Variants in A3GALT2 observed in about 807,000 individuals in gnomAD.
A3GALT2 encodes alpha-1,3-galactosyltransferase 2.
In A3GALT2, 14 loss-of-function variants were observed where a neutral mutation model predicts 16.6. The ratio of observed to expected loss-of-function variants is 0.84; its 90% CI spans 0.56 to 1.32. The LOEUF is 1.32. Ranked by LOEUF, A3GALT2 falls within the 40% of genes most tolerant of loss-of-function variation. The pLI is 0.00. For missense variants in A3GALT2, 600 were observed against 490.9 expected (o/e 1.22, Z -2.10); for synonymous variants, 253 against 218.0 (o/e 1.16, Z -1.42).
At chr1:33,315,472 G>A (rs1209163358) in intron 1 of A3GALT2, among the ~76,000 whole-genome samples, 1 of 152,100 alleles carries the variant, frequency 6.6e-6, no homozygotes, top group Non-Finnish European at 1.5e-5. Context: ...TTGAGCCCAG[G>A]AGTTACAGGT....
At chr1:33,318,542 A>G (rs1054623411) in intron 1 of A3GALT2, among the ~76,000 whole-genome samples, 5 of 151,968 alleles carry the variant, frequency 3.3e-5, no homozygotes, top group Admixed American at 2.0e-4. Flanking sequence ...TCACTGTCCT[A>G]TCTGTGCCTC....
chr1:33,310,248 C>T lies in A3GALT2; in HGVS notation c.335+1804G>A, dbSNP rs1356153826. On this transcript the variant is annotated intron_variant, in intron 4 of 4. Transcript: ENST00000442999. ...GGGAGGTTGCAGTGAGCCGAGATGG[C>T]GGCAGTACAGTCCAGCCTCGGCTCG... 2.6e-5 allele frequency among the ~76,000 whole-genome samples: 4 copies of T among 152,042 alleles called. No individual in the cohort carries two copies. The East Asian group carries it at 5.8e-4, about 22-fold the overall frequency.
In A3GALT2 at chr1:33,307,203, A is replaced by G. The variant is rs868026605; in HGVS notation, c.586T>C (p.Phe196Leu). The change falls in exon 5 of 5, where the codon TTC (phenylalanine) becomes CTC (leucine). Residue 196 changes from phenylalanine (F) to leucine (L), a missense_variant. Phe to Leu is a conservative substitution (Grantham distance 22). Transcript: ENST00000442999. ...GLPGREAHFM[F>L]CMDVDQHFSG... The stretch of plus-strand genomic sequence containing the variant: ...AAGTGCTGGTCCACGTCCATGCAGA[A>G]CATGAAGTGCGCCTCGCGGCCCGGC... 95 of 1,519,890 alleles carry G rather than the reference A, an allele frequency of 6.3e-5. No homozygotes were observed. The African/African-American group carries it at 1.3e-3, about 20-fold the overall frequency. The allele number at this position is 1,519,890 out of a possible 1,614,324, so 94.2% of individuals were successfully genotyped here. A position where few individuals can be genotyped will look rare whatever the true frequency, so the allele number is the denominator to read the frequency against.
intron 1 of A3GALT2, among the ~76,000 whole-genome samples, chr1:33,318,029 C>T (rs1413925613): frequency 6.6e-6 from 1 of 152,124 alleles, no homozygotes; most frequent in Non-Finnish European, 1.5e-5. Flanking sequence ...GGAAAACAGA[C>T]CCTAATGTGT....
chr1:33,316,696 G>T (rs1344885170), intron 1 of A3GALT2, among the ~76,000 whole-genome samples: 2 of 152,154 alleles, frequency 1.3e-5, no homozygotes, highest in South Asian at 2.1e-4. Flanking sequence ...TTTGAGGGAC[G>T]GGGCTGAGGT....
At chr1:33,319,683 G>A (rs1300040600) in intron 1 of A3GALT2, among the ~76,000 whole-genome samples, 1 of 152,106 alleles carries the variant, frequency 6.6e-6, no homozygotes, top group African/African-American at 2.4e-5. Context: ...GTTCTTGCCT[G>A]GGGGCTCCCC....
intron 1 of A3GALT2, among the ~76,000 whole-genome samples, chr1:33,316,031 C>G (rs1267303466): frequency 6.6e-6 from 1 of 152,164 alleles, no homozygotes; most frequent in Non-Finnish European, 1.5e-5. Flanking sequence ...GTATCAGATG[C>G]TATGAGGCAA....
rs1012793505 is a variant in A3GALT2 at position 33,320,304 on chromosome 1, T to G, written c.23+772A>C. Among the ~76,000 whole-genome samples the G allele has an allele frequency of 3.3e-5, 5 of 152,088 alleles. No homozygotes were observed. Among genetic ancestry groups the G allele is most frequent in the African/African-American group, 1.2e-4 (5 of 41,534 alleles). On this transcript the variant is annotated intron_variant, in intron 1 of 4. Coordinates refer to ENST00000442999, the MANE Select transcript of A3GALT2 (RefSeq NM_001080438.1). This position sits in a 1 kb window ranked among gnomAD's most constrained non-coding sequence, Gnocchi z 4.3. The stretch of plus-strand genomic sequence containing the variant: ...AGGAGCAGGAAAAGGCTGGAGGGGC[T>G]TTCTCCCCCTCTGTGGCTGTCCCAC...
At chr1:33,318,757 C>T (rs891528983) in intron 1 of A3GALT2, among the ~76,000 whole-genome samples, 1 of 152,168 alleles carries the variant, frequency 6.6e-6, no homozygotes, top group South Asian at 2.1e-4. Context: ...ACATCTCCTC[C>T]GTTAGGTCCC....
Position 33,312,604 on chromosome 1 carries a change from A to AG in A3GALT2, c.108-15dup. ...GCTTCCAGATGCCTGTGGTGGGTTG[A>AG]GGGGCGGGGGGCAGGCAGCCGTGAG... On this transcript the variant is annotated splice_polypyrimidine_tract_variant and intron_variant, in intron 2 of 4. Coordinates refer to ENST00000442999, the MANE Select transcript of A3GALT2 (RefSeq NM_001080438.1). 1 of 1,563,806 alleles carries AG rather than the reference A, an allele frequency of 6.4e-7. No individual in the cohort carries two copies.
intron 3 of A3GALT2, 42 bp downstream of exon 3, chr1:33,312,458 GT>G (rs1646238595): frequency 1.3e-6 from 2 of 1,521,264 alleles, no homozygotes; most frequent in Admixed American, 2.0e-5. Context: ...GCTGTGTAGG[GT>G]TTGGGGGTGC....
At position 33,312,150 on chromosome 1, in the gene A3GALT2, A is replaced by G; in HGVS notation, c.237T>C (p.Ala79=). ...CGAAAGAGCCATCCCAAATAATGGG[A>G]GCCCCCCAGGGGGTACAGGTCAGAA... ...PEVLTCTPWG[A]PIIWDGSFDP... is the part of the protein sequence containing the mutation. The change falls in exon 4 of 5, where the codon GCT becomes GCC. Residue 79 remains alanine (A), a synonymous_variant. Coordinates refer to ENST00000442999, the MANE Select transcript of A3GALT2 (RefSeq NM_001080438.1). The G allele has an allele frequency of 1.2e-6, 2 of 1,613,502 alleles. No homozygotes were observed. The highest frequency in any genetic ancestry group is 2.2e-5 in the East Asian group (1 of 44,868).
chr1:33,306,976 G>C lies in A3GALT2; in HGVS notation c.813C>G (p.His271Gln). The C allele has an allele frequency of 6.8e-7, 1 of 1,481,418 alleles. No homozygotes were observed. The highest frequency in any genetic ancestry group is 8.9e-7 in the Non-Finnish European group (1 of 1,123,016). The allele number at this position is 1,481,418 out of a possible 1,614,324, so 91.8% of individuals were successfully genotyped here. A position where few individuals can be genotyped will look rare whatever the true frequency, so the allele number is the denominator to read the frequency against. The change falls in exon 5 of 5, where the codon CAC becomes CAG. Residue 271 changes from histidine (H) to glutamine (Q), a missense_variant. His to Gln is a conservative substitution (Grantham distance 24). Coordinates refer to ENST00000442999, the MANE Select transcript of A3GALT2 (RefSeq NM_001080438.1). The stretch of plus-strand genomic sequence containing the variant: ...GGTCCCAGTCCAGGCCCCCCGCACA[G>C]TGCGCCGTCAGCCCGCGCAGCGCCG... ...SVAALRGLTAHCAGGLDWDRA... is the reference protein window; with the variant it reads ...SVAALRGLTAQCAGGLDWDRA...
Position 33,312,690 on chromosome 1 carries a change from C to G in A3GALT2, c.108-100G>C, listed in dbSNP as rs1052700424. On this transcript the variant is annotated intron_variant, in intron 2 of 4. Coordinates refer to ENST00000442999, the MANE Select transcript of A3GALT2 (RefSeq NM_001080438.1). ...GCTTCTTACAAGGAGAGAGAGCTCA[C>G]AAGGACACTTGAGCTGAGTTAGCCA... The G allele has an allele frequency of 1.7e-5, 25 of 1,436,816 alleles. No individual in the cohort carries two copies. In the African/African-American group the frequency reaches 3.4e-4, roughly 19 times the overall value. The allele number at this position is 1,436,816 out of a possible 1,614,324, so 89.0% of individuals were successfully genotyped here.
intron 3 of A3GALT2, 85 bp from the exon 4 acceptor site, chr1:33,312,274 A>T (rs1348136678): frequency 1.9e-6 from 3 of 1,559,708 alleles, no homozygotes; most frequent in Non-Finnish European, 2.6e-6. Flanking sequence ...CCCAGTGCTG[A>T]GCCCTAGGGA....
chr1:33,320,932 T>A lies in A3GALT2; in HGVS notation c.23+144A>T. The A allele has an allele frequency of 2.9e-6, 3 of 1,045,034 alleles. No homozygotes were observed. The South Asian group carries it at 4.6e-5, about 16-fold the overall frequency. 64.7% of individuals were successfully genotyped at this position (1,045,034 alleles called of 1,614,324 possible). ...GGCAATGTCCCCTCTCGGAGCCACC[T>A]TTCCCCAGGACTGGAGGCTCAGCTG... On this transcript the variant is annotated intron_variant, in intron 1 of 4. Transcript: ENST00000442999. The surrounding 1 kb of genome is among the most constrained non-coding windows in gnomAD (Gnocchi z 4.3).
chr1:33,311,911 G>A, intron 4 of A3GALT2, 141 bp downstream of exon 4: 3 of 1,246,310 alleles, frequency 2.4e-6, no homozygotes, highest in Non-Finnish European at 3.3e-6. Flanking sequence ...TGGGGGTGTG[G>A]GGCAAGAAGT....
chr1:33,314,917 GT>G (rs1358998693), intron 1 of A3GALT2: 4 of 152,138 alleles, frequency 2.6e-5, no homozygotes, highest in Non-Finnish European at 1.5e-5. Flanking sequence ...TTAGAACAAG[GT>G]GGTATGTTTT....
Position 33,307,283 on chromosome 1 carries a change from C to A in A3GALT2, c.506G>T (p.Trp169Leu). Residue 169 changes from tryptophan to leucine, a missense_variant, in exon 5 of 5, where the codon TGG becomes TTG. Coordinates refer to ENST00000442999, the MANE Select transcript of A3GALT2 (RefSeq NM_001080438.1). ...PVERVARERR[W>L]QDVSMARMRT... is the part of the protein sequence containing the mutation. ...CATGCGCGCCATCGACACGTCTTGC[C>A]AGCGCCGCTCGCGCGCCACGCGCTC... 6.9e-7 allele frequency: 1 copy of A among 1,439,340 alleles called. No individual in the cohort carries two copies. The highest frequency in any genetic ancestry group is 9.1e-7 in the Non-Finnish European group (1 of 1,104,234). 89.2% of individuals were successfully genotyped at this position (1,439,340 alleles called of 1,614,324 possible). A position where few individuals can be genotyped will look rare whatever the true frequency, so the allele number is the denominator to read the frequency against.
Sources: allele counts gnomAD v4.1 joint callset (sites outside exome capture counted in the v4.1 genomes callset), GRCh38; gene constraint gnomAD v4.1.1; non-coding constraint Gnocchi (gnomAD v3.1); transcripts MANE v1.5; gene names NCBI Gene and HGNC (gene_info 2026-07-23, HGNC 2026-07-21).